Variants in SMOC2 observed in about 807,000 individuals in gnomAD.
SMOC2 encodes SPARC-related modular calcium-binding protein 2.
SMOC2 carries 39 observed loss-of-function variants against 61.4 expected under a neutral mutation model. That is an observed-to-expected ratio of 0.64 (90% CI 0.49 to 0.83). The LOEUF (loss-of-function observed/expected upper bound fraction) is 0.83, where lower values mean the gene tolerates loss of function less well. SMOC2 is among the 40% of genes least tolerant of loss of function. The pLI is 0.00. For synonymous variants in SMOC2, 247 were observed against 239.9 expected (o/e 1.03, Z -0.27); for missense variants, 556 against 592.9 (o/e 0.94, Z 0.65).
At chr6:168,516,029 G>C (rs1011883388) in intron 2 of SMOC2, among the ~76,000 whole-genome samples, 1 of 152,168 alleles carries the variant, frequency 6.6e-6, no homozygotes, top group South Asian at 2.1e-4. Context: ...CACATATGAG[G>C]CTGAGGCTGT....
At chr6:168,582,372 G>A (rs1249209708) in intron 7 of SMOC2, among the ~76,000 whole-genome samples, 1 of 152,198 alleles carries the variant, frequency 6.6e-6, no homozygotes, top group Non-Finnish European at 1.5e-5. Flanking sequence ...GTGAGTGGGT[G>A]AGTGTGAGTG....
intron 1 of SMOC2, among the ~76,000 whole-genome samples, chr6:168,492,880 G>A (rs2115034277): frequency 6.6e-6 from 1 of 152,304 alleles, no homozygotes; most frequent in Middle Eastern, 3.4e-3. Context: ...TGTGTTGTAG[G>A]TTTGTTAGGA....
intron 2 of SMOC2, among the ~76,000 whole-genome samples, chr6:168,516,789 A>C (rs114457637): frequency 0.011 from 1,680 of 152,298 alleles, 25 homozygotes; most frequent in African/African-American, 0.038. Flanking sequence ...TCTACTAAAA[A>C]TACAACAACA....
intron 9 of SMOC2, among the ~76,000 whole-genome samples, chr6:168,610,249 C>T (rs1785821558): frequency 6.6e-6 from 1 of 152,180 alleles, no homozygotes; most frequent in Non-Finnish European, 1.5e-5. Context: ...GACGGCGTTT[C>T]CTTGCCCACA....
chr6:168,457,336 G>A (rs1781608870), intron 1 of SMOC2, among the ~76,000 whole-genome samples: 3 of 152,290 alleles, frequency 2.0e-5, no homozygotes, highest in South Asian at 2.1e-4. Flanking sequence ...CGCCAGCCAC[G>A]GGGATGCCAC....
intron 7 of SMOC2, among the ~76,000 whole-genome samples, chr6:168,581,857 G>T (rs1784928439): frequency 6.6e-6 from 1 of 152,078 alleles, no homozygotes; most frequent in African/African-American, 2.4e-5. Flanking sequence ...CATGGGGCCT[G>T]CACTCAGCCG....
chr6:168,542,041 G>A (rs1783887096), intron 4 of SMOC2, among the ~76,000 whole-genome samples: 1 of 152,036 alleles, frequency 6.6e-6, no homozygotes, highest in African/African-American at 2.4e-5. Flanking sequence ...TTTTCCTTAC[G>A]ATATTAAAAC....
chr6:168,558,651 G>A (rs1197431913), intron 7 of SMOC2, among the ~76,000 whole-genome samples: 1 of 152,232 alleles, frequency 6.6e-6, no homozygotes, highest in Non-Finnish European at 1.5e-5. Flanking sequence ...TCCACTTGGT[G>A]TCTAGGAATG....
intron 1 of SMOC2, among the ~76,000 whole-genome samples, chr6:168,500,706 C>A (rs532668415): frequency 1.3e-5 from 2 of 152,172 alleles, no homozygotes; most frequent in Non-Finnish European, 2.9e-5. Flanking sequence ...TTCTCTACCC[C>A]CCGAGGAGGT....
At chr6:168,501,990 C>G (rs1782742334) in intron 1 of SMOC2, among the ~76,000 whole-genome samples, 1 of 152,238 alleles carries the variant, frequency 6.6e-6, no homozygotes. Context: ...CTGCCTCCAT[C>G]TTTCCCAGGC....
intron 7 of SMOC2, among the ~76,000 whole-genome samples, chr6:168,591,349 G>C (rs1785176383): frequency 6.6e-6 from 1 of 152,150 alleles, no homozygotes; most frequent in Admixed American, 6.5e-5. Flanking sequence ...CCACCAAATA[G>C]AACTACCTAT....
At chr6:168,661,495 G>T (rs1032804714) in intron 11 of SMOC2, among the ~76,000 whole-genome samples, 1 of 152,014 alleles carries the variant, frequency 6.6e-6, no homozygotes, top group African/African-American at 2.4e-5. Flanking sequence ...CCAGCTACTC[G>T]GGAGGCTGAG....
intron 7 of SMOC2, among the ~76,000 whole-genome samples, chr6:168,591,471 T>C (rs932691162): frequency 1.3e-5 from 2 of 152,194 alleles, no homozygotes; most frequent in African/African-American, 4.8e-5. Context: ...TGTCACTGAC[T>C]CTGGCAAGAG....
rs570374008 is a variant in SMOC2, at chr6:168,607,052, G to A, written c.825-1105G>A. Among the ~76,000 whole-genome samples the A allele has an allele frequency of 2.4e-4, 36 of 152,182 alleles. 1 individual carries two copies. Among genetic ancestry groups the A allele is most frequent in the African/African-American group, 8.4e-4 (35 of 41,512 alleles). On this transcript the variant is annotated intron_variant, in intron 8 of 12. Transcript: ENST00000356284. ...GCGAGTCCACAGAAAGGGGCGGTGG[G>A]TGTGCTGACCCAGGAATCTCCCATC...
intron 9 of SMOC2, among the ~76,000 whole-genome samples, chr6:168,639,462 C>G (rs1380929080): frequency 6.6e-6 from 1 of 152,164 alleles, no homozygotes; most frequent in Non-Finnish European, 1.5e-5. Flanking sequence ...GATAGGGTAT[C>G]TGGGATAACC....
At chr6:168,450,404 G>A (rs1036134972) in intron 1 of SMOC2, among the ~76,000 whole-genome samples, 1 of 152,174 alleles carries the variant, frequency 6.6e-6, no homozygotes, top group African/African-American at 2.4e-5. Flanking sequence ...ATCTCTTAAT[G>A]AATCAACAGG....
At chr6:168,656,983 T>C (rs1424732883) in intron 11 of SMOC2, among the ~76,000 whole-genome samples, 1 of 152,200 alleles carries the variant, frequency 6.6e-6, no homozygotes, top group East Asian at 1.9e-4. Context: ...TCAGTTATGT[T>C]CAATGTTCTG....
intron 7 of SMOC2, among the ~76,000 whole-genome samples, chr6:168,554,753 C>T (rs959196494): frequency 1.3e-5 from 2 of 152,196 alleles, no homozygotes; most frequent in Non-Finnish European, 2.9e-5. Context: ...CACCGTGTGC[C>T]CAATTCCTGA....
intron 9 of SMOC2, among the ~76,000 whole-genome samples, chr6:168,631,769 A>G (rs912415157): frequency 5.3e-5 from 8 of 152,118 alleles, no homozygotes; most frequent in Admixed American, 2.0e-4. Context: ...CATGTTTTCT[A>G]AGGAGGATGG....
Sources: allele counts gnomAD v4.1 joint callset (sites outside exome capture counted in the v4.1 genomes callset), GRCh38; gene constraint gnomAD v4.1.1; transcripts MANE v1.5; gene names NCBI Gene and HGNC (gene_info 2026-07-23, HGNC 2026-07-21).